PITPNB: variants seen among roughly 807,000 people sequenced by gnomAD.
PITPNB encodes phosphatidylinositol transfer protein beta isoform.
In PITPNB, 16 loss-of-function variants were observed where a neutral mutation model predicts 45.9. The observed-to-expected ratio is 0.35, with a 90% CI of 0.24 to 0.53. The LOEUF (loss-of-function observed/expected upper bound fraction) is 0.53. PITPNB is among the 20% of genes least tolerant of loss of function. PITPNB has a pLI of 0.93. For synonymous variants in PITPNB, 112 were observed against 108.9 expected (o/e 1.03, Z -0.18); for missense variants, 188 against 330.5 (o/e 0.57, Z 3.34).
At chr22:27,891,413 T>C (rs1198455371) in intron 7 of PITPNB, among the ~76,000 whole-genome samples, 1 of 152,200 alleles carries the variant, frequency 6.6e-6, no homozygotes, top group African/African-American at 2.4e-5. Context: ...ACACAGACTC[T>C]TGGAACTCTT....
chr22:27,896,806 T>C (rs1330746576), intron 5 of PITPNB, 180 bp from the exon 6 acceptor site: 1 of 610,472 alleles, frequency 1.6e-6, no homozygotes, highest in Admixed American at 3.0e-5. Flanking sequence ...AACCAAATGC[T>C]ACATGCTTTT....
At chr22:27,863,328 G>A (rs753630067) in intron 8 of PITPNB, among the ~76,000 whole-genome samples, 13 of 152,144 alleles carry the variant, frequency 8.5e-5, no homozygotes, top group Non-Finnish European at 5.9e-5. Flanking sequence ...AGGGGTGAGC[G>A]AACTAAGGTC....
At chr22:27,859,015 C>A (rs984541159) in intron 9 of PITPNB, among the ~76,000 whole-genome samples, 1 of 152,028 alleles carries the variant, frequency 6.6e-6, no homozygotes, top group Non-Finnish European at 1.5e-5. Context: ...ATGTTGCTGC[C>A]ACTATTATAA....
At chr22:27,897,296 C>G (rs970916748) in intron 4 of PITPNB, among the ~76,000 whole-genome samples, 159 bp from the exon 5 acceptor site, 2 of 152,012 alleles carry the variant, frequency 1.3e-5, no homozygotes, top group Non-Finnish European at 2.9e-5. Context: ...AGTTTCCACA[C>G]AAGTGACACT....
chr22:27,911,246 C>T, intron 2 of PITPNB, 137 bp from the exon 3 acceptor site: 3 of 568,080 alleles, frequency 5.3e-6, no homozygotes, highest in Non-Finnish European at 9.3e-6. Flanking sequence ...AATATGAAAA[C>T]ACAACTCAAA....
chr22:27,892,254 C>T (rs1334266008), intron 7 of PITPNB, among the ~76,000 whole-genome samples: 2 of 152,206 alleles, frequency 1.3e-5, no homozygotes, highest in African/African-American at 4.8e-5. Flanking sequence ...ACCAGGGCCT[C>T]CACGGTTCTT....
At chr22:27,911,507 G>A (rs1032102252) in intron 2 of PITPNB, among the ~76,000 whole-genome samples, 1 of 152,132 alleles carries the variant, frequency 6.6e-6, no homozygotes, top group Non-Finnish European at 1.5e-5. Context: ...GAAAGGTATG[G>A]CAGAAATACA....
At chr22:27,863,852 G>A (rs1437344550) in intron 8 of PITPNB, among the ~76,000 whole-genome samples, 1 of 152,132 alleles carries the variant, frequency 6.6e-6, no homozygotes, top group Non-Finnish European at 1.5e-5. Context: ...AGTGACTCTG[G>A]CAAGCAACTC....
chr22:27,904,418 A>G (rs1244954915), intron 3 of PITPNB, among the ~76,000 whole-genome samples: 1 of 152,262 alleles, frequency 6.6e-6, no homozygotes, highest in East Asian at 1.9e-4. Context: ...AAATATCCAC[A>G]GTATATCTAC....
chr22:27,891,291 T>C (rs1187609462), intron 7 of PITPNB, among the ~76,000 whole-genome samples: 1 of 152,194 alleles, frequency 6.6e-6, no homozygotes, highest in Non-Finnish European at 1.5e-5. Context: ...AACTTTAAAA[T>C]AAATTTATAT....
intron 2 of PITPNB, 151 bp from the exon 3 acceptor site, chr22:27,911,260 GA>G (rs1291528011): frequency 1.8e-6 from 1 of 548,000 alleles, no homozygotes; most frequent in Non-Finnish European, 3.2e-6. Context: ...ACTCAAATTA[GA>G]AATTAATACG....
chr22:27,879,017 C>G (rs1934894765), intron 7 of PITPNB, among the ~76,000 whole-genome samples: 1 of 152,148 alleles, frequency 6.6e-6, no homozygotes, highest in Non-Finnish European at 1.5e-5. Context: ...CAAATCTACA[C>G]CCCTGAACAT....
intron 3 of PITPNB, among the ~76,000 whole-genome samples, chr22:27,909,935 A>G (rs552656932): frequency 1.4e-5 from 2 of 146,848 alleles, no homozygotes; most frequent in East Asian, 4.0e-4. Flanking sequence ...GTACACCACC[A>G]TGCCCCACTA....
At chr22:27,862,656 T>C (rs889299723) in intron 8 of PITPNB, among the ~76,000 whole-genome samples, 2 of 152,220 alleles carry the variant, frequency 1.3e-5, no homozygotes, top group Admixed American at 1.3e-4. Context: ...TATGTGTATG[T>C]GTATATGTAT....
chr22:27,894,873 A>C (rs1935391443), intron 6 of PITPNB, among the ~76,000 whole-genome samples: 1 of 152,224 alleles, frequency 6.6e-6, no homozygotes, highest in East Asian at 1.9e-4. Context: ...AAATGAATAG[A>C]AACCTGTCAA....
At chr22:27,916,212 T>A (rs2034803308) in intron 1 of PITPNB, among the ~76,000 whole-genome samples, 1 of 152,236 alleles carries the variant, frequency 6.6e-6, no homozygotes, top group African/African-American at 2.4e-5. Context: ...AGTGACTGAT[T>A]AAGACATTCA....
intron 10 of PITPNB, 79 bp from the exon 11 acceptor site, chr22:27,855,018 T>C (rs551652743): frequency 1.0e-6 from 1 of 957,658 alleles, no homozygotes; most frequent in African/African-American, 1.6e-5. Flanking sequence ...AAAAAAGATC[T>C]AGAAGAGATT....
chr22:27,866,780 T>C (rs1458824791), intron 8 of PITPNB, among the ~76,000 whole-genome samples: 2 of 152,186 alleles, frequency 1.3e-5, no homozygotes, highest in African/African-American at 2.4e-5. Context: ...TTTTAGGCAA[T>C]GTGAATGCTT....
chr22:27,896,448 G>T, intron 6 of PITPNB, 104 bp downstream of exon 6: 2 of 798,418 alleles, frequency 2.5e-6, no homozygotes, highest in Non-Finnish European at 4.3e-6. Flanking sequence ...GCTTGGTGCG[G>T]TCAGATACAC....
Sources: gnomAD v4.1 joint callset for allele counts (sites outside exome capture counted in the v4.1 genomes callset) on GRCh38, gnomAD v4.1.1 for gene constraint, MANE v1.5 for transcripts, NCBI Gene and HGNC (gene_info 2026-07-23, HGNC 2026-07-21) for gene names.